Variants in FOCAD observed in about 807,000 individuals in gnomAD.
FOCAD encodes the protein focadhesin.
A neutral mutation model predicts 225.6 loss-of-function variants in FOCAD; 198 were observed. That is an observed-to-expected ratio of 0.88 (90% CI 0.78 to 0.99). The LOEUF (loss-of-function observed/expected upper bound fraction) is 0.99, where lower values mean the gene tolerates loss of function less well. Ranked by LOEUF, FOCAD falls within the 50% of genes least tolerant of loss-of-function variation. The pLI, the probability that FOCAD is intolerant of heterozygous loss-of-function variation, is 0.00. For missense variants in FOCAD, 2,713 were observed against 2,123.6 expected (o/e 1.28, Z -5.46); for synonymous variants, 897 against 755.0 (o/e 1.19, Z -3.08).
intron 4 of FOCAD, among the ~76,000 whole-genome samples, chr9:20,721,737 G>A (rs917963772): frequency 3.3e-5 from 5 of 151,964 alleles, no homozygotes; most frequent in African/African-American, 1.2e-4. Context: ...AAGATTCCTG[G>A]GCTTGAAGTT....
chr9:20,931,507 A>G (rs1050065277), intron 27 of FOCAD, among the ~76,000 whole-genome samples: 1 of 152,222 alleles, frequency 6.6e-6, no homozygotes, highest in Non-Finnish European at 1.5e-5. Context: ...AGAGAATTTC[A>G]TCTTTGGAGA....
At chr9:20,907,025 A>T (rs1287012515) in intron 21 of FOCAD, 125 bp from the exon 22 acceptor site, 1 of 676,504 alleles carries the variant, frequency 1.5e-6, no homozygotes. Context: ...CTGATCCTAG[A>T]CTGATTTGGT....
intron 15 of FOCAD, among the ~76,000 whole-genome samples, chr9:20,855,209 A>G (rs1828046376): frequency 6.6e-6 from 1 of 151,650 alleles, no homozygotes; most frequent in South Asian, 2.1e-4. Flanking sequence ...ATGTATAAGA[A>G]ATAGTGGTTT....
intron 24 of FOCAD, among the ~76,000 whole-genome samples, chr9:20,923,177 A>G (rs1466776892): frequency 6.6e-6 from 1 of 152,200 alleles, no homozygotes; most frequent in African/African-American, 2.4e-5. Flanking sequence ...GCTGTGTGTC[A>G]AGTTGTAAGG....
In FOCAD at chr9:20,814,416, C is replaced by T. The variant is rs1018932905; in HGVS notation, c.1456-5380C>T. 2.0e-5 allele frequency among the ~76,000 whole-genome samples: 3 copies of T among 151,320 alleles called. No homozygotes were observed. The South Asian group carries it at 6.3e-4, about 32-fold the overall frequency. On this transcript the variant is annotated intron_variant, in intron 11 of 43. Transcript: ENST00000338382. ...TGTCGCCCAGGCTGGAGTATAGTGGCACGATCTTGGCTCACTGGAACTTCC... is the reference window on the plus strand; with the variant it reads ...TGTCGCCCAGGCTGGAGTATAGTGGTACGATCTTGGCTCACTGGAACTTCC...
At chr9:20,803,159 T>C (rs1357477258) in intron 11 of FOCAD, among the ~76,000 whole-genome samples, 1 of 152,092 alleles carries the variant, frequency 6.6e-6, no homozygotes, top group Non-Finnish European at 1.5e-5. Flanking sequence ...ATCATTCAGC[T>C]TGAAATACTA....
intron 1 of FOCAD, among the ~76,000 whole-genome samples, chr9:20,695,961 T>C (rs1261147647): frequency 6.6e-6 from 1 of 152,258 alleles, no homozygotes; most frequent in Non-Finnish European, 1.5e-5. Context: ...TGGCATCCTT[T>C]TATCATATAG....
chr9:20,870,382 G>C (rs1303896784), intron 18 of FOCAD, among the ~76,000 whole-genome samples: 2 of 152,044 alleles, frequency 1.3e-5, no homozygotes, highest in Non-Finnish European at 2.9e-5. Flanking sequence ...ATTTCCATAG[G>C]TTACAGACAC....
At chr9:20,716,441 A>G (rs1228752801) in intron 2 of FOCAD, among the ~76,000 whole-genome samples, 1 of 152,100 alleles carries the variant, frequency 6.6e-6, no homozygotes. Context: ...TGGGTTTTGT[A>G]TTTTAAAAAA....
At chr9:20,846,609 A>G (rs536998879) in intron 15 of FOCAD, among the ~76,000 whole-genome samples, 5 of 152,276 alleles carry the variant, frequency 3.3e-5, no homozygotes, top group East Asian at 1.9e-4. Context: ...GATGAATCAG[A>G]TGCCAAATGA....
chr9:20,874,657 T>G lies in FOCAD; in HGVS notation c.2191-24T>G, dbSNP rs576188668. 5.5e-5 allele frequency: 88 copies of G among 1,609,760 alleles called. No homozygotes were observed. The South Asian group carries it at 6.4e-4, about 12-fold the overall frequency. On this transcript the variant is annotated intron_variant, in intron 18 of 43. Coordinates refer to ENST00000338382, the MANE Select transcript of FOCAD (RefSeq NM_001375567.1). ...TAATGTTTTATTATTATCCTCTCTA[T>G]GATCTTTTCGCTTATCATTTCAGAT...
chr9:20,863,436 C>T (rs915232661), intron 16 of FOCAD: 1 of 152,026 alleles, frequency 6.6e-6, no homozygotes, highest in East Asian at 1.9e-4. Flanking sequence ...CTGACTGAGA[C>T]AGGCTTAGAA....
At chr9:20,921,745 C>G (rs528664435) in intron 24 of FOCAD, among the ~76,000 whole-genome samples, 6 of 152,100 alleles carry the variant, frequency 3.9e-5, no homozygotes, top group Admixed American at 6.5e-5. Context: ...TACTTAAGAA[C>G]AATACATACT....
At chr9:20,730,267 A>G (rs1282572041) in intron 4 of FOCAD, among the ~76,000 whole-genome samples, 2 of 152,286 alleles carry the variant, frequency 1.3e-5, no homozygotes, top group Middle Eastern at 6.8e-3. Context: ...AAATGGTGAC[A>G]TTCTAATTCT....
intron 2 of FOCAD, among the ~76,000 whole-genome samples, chr9:20,677,009 C>A (rs534704272): frequency 1.3e-5 from 2 of 152,158 alleles, no homozygotes; most frequent in Admixed American, 6.5e-5. Context: ...CTACACTAAT[C>A]AAAACAGTAT....
At chr9:20,971,438 T>C (rs1013276989) in intron 35 of FOCAD, among the ~76,000 whole-genome samples, 1 of 152,124 alleles carries the variant, frequency 6.6e-6, no homozygotes, top group Non-Finnish European at 1.5e-5. Flanking sequence ...CCATTTTTTT[T>C]TATTTTTTTT....
At chr9:20,854,680 A>C (rs1465728975) in intron 15 of FOCAD, among the ~76,000 whole-genome samples, 3 of 151,760 alleles carry the variant, frequency 2.0e-5, no homozygotes, top group Non-Finnish European at 4.4e-5. Context: ...CCAGCAACAA[A>C]GTATGCATAA....
At chr9:20,895,988 A>T (rs1255747164) in intron 21 of FOCAD, among the ~76,000 whole-genome samples, 1 of 151,806 alleles carries the variant, frequency 6.6e-6, no homozygotes, top group Non-Finnish European at 1.5e-5. Flanking sequence ...CAAAATTATG[A>T]TGTTAACGGT....
At chr9:20,869,771 G>A (rs374620059) in intron 18 of FOCAD, among the ~76,000 whole-genome samples, 104 of 152,216 alleles carry the variant, frequency 6.8e-4, no homozygotes, top group African/African-American at 2.3e-3. Flanking sequence ...TGCTAGGTCC[G>A]ATCTGAAGAG....
Sources: gnomAD v4.1 joint callset for allele counts (sites outside exome capture counted in the v4.1 genomes callset) on GRCh38, gnomAD v4.1.1 for gene constraint, MANE v1.5 for transcripts, NCBI Gene and HGNC (gene_info 2026-07-23, HGNC 2026-07-21) for gene names.